LPP: variants seen among roughly 807,000 people sequenced by gnomAD.
LPP encodes the protein lipoma-preferred partner.
LPP carries 38 observed loss-of-function variants against 60.4 expected under a neutral mutation model. The ratio of observed to expected loss-of-function variants is 0.63; its 90% CI spans 0.49 to 0.83. The LOEUF is 0.83. Among genes scored for constraint, LPP ranks in the 40% least tolerant of loss-of-function variants. The probability of loss-of-function intolerance (pLI) is 0.00; values close to 1 mark genes in which losing one functional copy is unlikely to be tolerated. For synonymous variants in LPP, 328 were observed against 290.8 expected (o/e 1.13, Z -1.30); for missense variants, 902 against 783.6 (o/e 1.15, Z -1.80).
At chr3:188,523,012 A>G (rs1819423318) in intron 5 of LPP, among the ~76,000 whole-genome samples, 1 of 151,698 alleles carries the variant, frequency 6.6e-6, no homozygotes, top group Non-Finnish European at 1.5e-5. Context: ...GGCTCAAGCT[A>G]TTCTCCTGCC....
chr3:188,250,722 C>A (rs1728835492), intron 2 of LPP, among the ~76,000 whole-genome samples: 1 of 137,110 alleles, frequency 7.3e-6, no homozygotes, highest in Non-Finnish European at 1.6e-5. Context: ...TTCTTTCTTT[C>A]TCTCTTTCTT....
At chr3:188,650,228 A>C (rs1851823702) in intron 7 of LPP, among the ~76,000 whole-genome samples, 1 of 152,224 alleles carries the variant, frequency 6.6e-6, no homozygotes, top group South Asian at 2.1e-4. Context: ...AGAAAATGTT[A>C]TCACTCCATA....
intron 3 of LPP, among the ~76,000 whole-genome samples, chr3:188,401,089 G>A (rs6778720): frequency 0.61 from 92,336 of 152,006 alleles, 29,181 homozygotes; most frequent in African/African-American, 0.79. Flanking sequence ...GGTCACACTT[G>A]TATAGCTGAG....
intron 7 of LPP, among the ~76,000 whole-genome samples, chr3:188,708,054 A>G (rs778344419): frequency 2.0e-4 from 30 of 152,246 alleles, no homozygotes; most frequent in Non-Finnish European, 3.7e-4. Flanking sequence ...CTAAAGCCTG[A>G]TAGATGACTC....
chr3:188,798,059 T>A (rs961319173), intron 9 of LPP, among the ~76,000 whole-genome samples: 1 of 151,792 alleles, frequency 6.6e-6, no homozygotes, highest in Non-Finnish European at 1.5e-5. Flanking sequence ...TCATGTCAGG[T>A]TCCCAGGAAG....
intron 2 of LPP, among the ~76,000 whole-genome samples, chr3:188,340,178 C>T (rs145989993): frequency 6.6e-6 from 1 of 152,282 alleles, no homozygotes; most frequent in Non-Finnish European, 1.5e-5. Context: ...ACATTTTTAT[C>T]TGCTCCATGT....
intron 3 of LPP, among the ~76,000 whole-genome samples, chr3:188,372,802 A>G (rs1243672865): frequency 2.0e-5 from 3 of 151,706 alleles, no homozygotes; most frequent in Non-Finnish European, 4.4e-5. Context: ...AGTGTGCTGC[A>G]CCCATTAACT....
At chr3:188,383,797 TG>T (rs1777503314) in intron 3 of LPP, among the ~76,000 whole-genome samples, 1 of 152,224 alleles carries the variant, frequency 6.6e-6, no homozygotes, top group Non-Finnish European at 1.5e-5. Flanking sequence ...CAAATTACTT[TG>T]GAATTCATTA....
intron 2 of LPP, among the ~76,000 whole-genome samples, chr3:188,328,799 A>C (rs1208099730): frequency 6.6e-6 from 1 of 152,230 alleles, no homozygotes; most frequent in Non-Finnish European, 1.5e-5. Context: ...TATTAAAAAT[A>C]TGTCTACTTT....
At chr3:188,545,701 G>A (rs1826452849) in intron 6 of LPP, among the ~76,000 whole-genome samples, 1 of 152,020 alleles carries the variant, frequency 6.6e-6, no homozygotes, top group South Asian at 2.1e-4. Context: ...AGGCTCCTAG[G>A]GCTTTCTTAC....
intron 7 of LPP, among the ~76,000 whole-genome samples, chr3:188,680,891 A>G: frequency 6.6e-6 from 1 of 152,088 alleles, no homozygotes; most frequent in East Asian, 1.9e-4. Context: ...GTATCCTTGC[A>G]TTCATGAAGA....
intron 7 of LPP, among the ~76,000 whole-genome samples, chr3:188,641,824 A>T (rs1850199207): frequency 1.3e-5 from 2 of 152,212 alleles, no homozygotes; most frequent in African/African-American, 2.4e-5. Context: ...GGGACTAGGC[A>T]GCCTCCCACA....
chr3:188,280,438 A>G (rs1419428919), intron 2 of LPP, among the ~76,000 whole-genome samples: 5 of 152,178 alleles, frequency 3.3e-5, no homozygotes, highest in African/African-American at 9.7e-5. Context: ...GCATCTCAGG[A>G]TACAGAAGAG....
chr3:188,265,344 G>A (rs1735114300), intron 2 of LPP, among the ~76,000 whole-genome samples: 1 of 152,206 alleles, frequency 6.6e-6, no homozygotes, highest in Non-Finnish European at 1.5e-5. Context: ...AAGAAATTAA[G>A]ATAGTGAAAG....
At chr3:188,320,700 A>T (rs1272526392) in intron 2 of LPP, among the ~76,000 whole-genome samples, 2 of 152,160 alleles carry the variant, frequency 1.3e-5, no homozygotes, top group East Asian at 3.8e-4. Flanking sequence ...TCAAGACTAG[A>T]AGGTATGGAG....
In LPP at chr3:188,883,082, A is replaced by G. The variant is rs367922401; in HGVS notation, c.*8603A>G. ...ATTTCTTTCAGCACATTTTGTTCCA[A>G]GCTACACGACTTTAAAACAGAGCCA... On this transcript the variant is annotated 3_prime_UTR_variant, in exon 12 of 12. Coordinates refer to ENST00000617246, the MANE Select transcript of LPP (RefSeq NM_001375462.1). The G allele has an allele frequency of 0.013, 1,379 of 105,204 alleles. 21 individuals are homozygous for G. The highest frequency in any genetic ancestry group is 0.13 in the African/African-American group (1,309 of 10,114). The allele number at this position is 105,204 out of a possible 1,614,324, so 6.5% of individuals were successfully genotyped here. A position where few individuals can be genotyped will look rare whatever the true frequency, so the allele number is the denominator to read the frequency against.
At chr3:188,477,215 A>C (rs1188026072) in intron 4 of LPP, among the ~76,000 whole-genome samples, 1 of 152,218 alleles carries the variant, frequency 6.6e-6, no homozygotes, top group Non-Finnish European at 1.5e-5. Flanking sequence ...TTTGCTTTAG[A>C]GTCAAGAAGT....
At chr3:188,330,420 A>G (rs1222276175) in intron 2 of LPP, among the ~76,000 whole-genome samples, 1 of 152,070 alleles carries the variant, frequency 6.6e-6, no homozygotes, top group Non-Finnish European at 1.5e-5. Flanking sequence ...TTTTTTTCCT[A>G]GTTCTCATTC....
At chr3:188,536,607 T>G (rs2150337670) in intron 6 of LPP, among the ~76,000 whole-genome samples, 1 of 152,320 alleles carries the variant, frequency 6.6e-6, no homozygotes. Flanking sequence ...AGTATTGAAT[T>G]TTAAATGGAT....
Sources: gnomAD v4.1 joint callset for allele counts (sites outside exome capture counted in the v4.1 genomes callset) on GRCh38, gnomAD v4.1.1 for gene constraint, MANE v1.5 for transcripts, NCBI Gene and HGNC (gene_info 2026-07-23, HGNC 2026-07-21) for gene names.